PTGFR: variants seen among roughly 807,000 people sequenced by gnomAD.
PTGFR encodes prostaglandin F2-alpha receptor.
PTGFR carries 15 observed loss-of-function variants against 26.2 expected under a neutral mutation model. The ratio of observed to expected loss-of-function variants is 0.57; its 90% CI spans 0.38 to 0.88. The LOEUF (loss-of-function observed/expected upper bound fraction) is 0.88, where lower values mean the gene tolerates loss of function less well. PTGFR is among the 40% of genes least tolerant of loss of function. The probability of loss-of-function intolerance (pLI) is 0.00; values close to 1 mark genes in which losing one functional copy is unlikely to be tolerated. For synonymous variants in PTGFR, 165 were observed against 151.1 expected, an observed-to-expected ratio of 1.09 and a Z score of -0.68; for missense variants, 369 against 427.2, an observed-to-expected ratio of 0.86 and a Z score of 1.20.
chr1:78,492,967 T>C lies in PTGFR; in HGVS notation c.224T>C (p.Ile75Thr), dbSNP rs773296843. The change falls in exon 2 of 3, where the codon ATC (isoleucine) becomes ACC (threonine). Residue 75 changes from isoleucine (I) to threonine (T), a missense_variant. Transcript: ENST00000370757. ...CTGCTTTTGGCCAGTGGCCTGGTAA[T>C]CACTGATTTCTTTGGCCATCTCATC... Reference protein sequence around the residue: ...SFLLLASGLVITDFFGHLING... With the variant: ...SFLLLASGLVTTDFFGHLING... The C allele has an allele frequency of 6.2e-7, 1 of 1,614,258 alleles. No homozygotes were observed. Among genetic ancestry groups the C allele is most frequent in the Non-Finnish European group, 8.5e-7 (1 of 1,180,040 alleles).
In PTGFR at chr1:78,493,125, G is replaced by A. The variant is rs1409406564; in HGVS notation, c.382G>A (p.Val128Met). The change falls in exon 2 of 3, where the codon GTG (valine) becomes ATG (methionine). Residue 128 changes from valine to methionine, a missense_variant. Val to Met is a conservative substitution (Grantham distance 21, BLOSUM62 1). Transcript: ENST00000370757. The stretch of plus-strand genomic sequence containing the variant: ...TCTGTGCCCACTTCTTCTAGGCAGT[G>A]TGATGGCCATTGAGCGGTGTATTGG... The part of the protein sequence containing the change: ...SGLCPLLLGS[V>M]MAIERCIGVT... 1 of 1,614,246 alleles carries A rather than the reference G, an allele frequency of 6.2e-7. No individual in the cohort carries two copies. The highest frequency in any genetic ancestry group is 1.1e-5 in the South Asian group (1 of 91,090).
chr1:78,492,871 C>T lies in PTGFR; in HGVS notation c.128C>T (p.Ser43Leu). 1 of 1,614,222 alleles carries T rather than the reference C, an allele frequency of 6.2e-7. No individual in the cohort carries two copies. The highest frequency in any genetic ancestry group is 8.5e-7 in the Non-Finnish European group (1 of 1,180,042). Residue 43 changes from serine (S) to leucine (L), a missense_variant, in exon 2 of 3, where the codon TCA (serine) becomes TTA (leucine). Ser to Leu is a moderately radical substitution (Grantham distance 145, BLOSUM62 -2). Transcript: ENST00000370757. ...SVIFMTVGIL[S>L]NSLAIAILMK... ...ATCTTCATGACAGTGGGAATCTTGTCAAACAGCCTTGCCATCGCCATTCTC... is the reference window on the plus strand; with the variant it reads ...ATCTTCATGACAGTGGGAATCTTGTTAAACAGCCTTGCCATCGCCATTCTC...
At chr1:78,521,741 G>T (rs1650247927) in intron 2 of PTGFR, among the ~76,000 whole-genome samples, 1 of 151,800 alleles carries the variant, frequency 6.6e-6, no homozygotes, top group Non-Finnish European at 1.5e-5. Flanking sequence ...TAGTAATAGT[G>T]GGCACTCTTG....
At chr1:78,525,826 A>T (rs1245651093) in intron 2 of PTGFR, among the ~76,000 whole-genome samples, 3 of 152,064 alleles carry the variant, frequency 2.0e-5, no homozygotes, top group Non-Finnish European at 4.4e-5. Context: ...CATTAAGGAA[A>T]TTCCAAGGGC....
chr1:78,502,568 A>G (rs190907888), intron 2 of PTGFR, among the ~76,000 whole-genome samples: 17 of 152,290 alleles, frequency 1.1e-4, no homozygotes, highest in African/African-American at 4.1e-4. Context: ...TTATTATACT[A>G]TTCTCATTGT....
chr1:78,533,684 T>A (rs1401906804), intron 2 of PTGFR, among the ~76,000 whole-genome samples: 1 of 152,182 alleles, frequency 6.6e-6, no homozygotes, highest in East Asian at 1.9e-4. Flanking sequence ...AATTTACCAT[T>A]GCTTTGAATA....
At chr1:78,532,362 A>ATTTT (rs1232346149) in intron 2 of PTGFR, 1 of 72,280 alleles carries the variant, frequency 1.4e-5, no homozygotes, top group East Asian at 4.6e-4. Context: ...AAGTAAATTC[A>ATTTT]TTTATATATA....
chr1:78,491,567 C>A (rs531911349), intron 1 of PTGFR, among the ~76,000 whole-genome samples: 1 of 152,224 alleles, frequency 6.6e-6, no homozygotes, highest in African/African-American at 2.4e-5. Flanking sequence ...CTCCCCGTGC[C>A]CGGGATGAGG....
chr1:78,532,229 G>A (rs922303969), intron 2 of PTGFR: 13 of 408,670 alleles, frequency 3.2e-5, no homozygotes, highest in Admixed American at 1.7e-4. Flanking sequence ...GACACTCAAC[G>A]AGAAATGACA....
At chr1:78,495,714 T>TA (rs1171134003) in intron 2 of PTGFR, among the ~76,000 whole-genome samples, 1 of 152,210 alleles carries the variant, frequency 6.6e-6, no homozygotes, top group African/African-American at 2.4e-5. Context: ...GTCATAGACT[T>TA]ACTCCTGCAA....
rs1296902914 is a variant in PTGFR at position 78,520,306 on chromosome 1, C to T, written c.799-16100C>T. On this transcript the variant is annotated intron_variant, in intron 2 of 2. Coordinates refer to ENST00000370757, the MANE Select transcript of PTGFR (RefSeq NM_000959.4). ...ATCTCCTCATATTTCTTTAAAAAGT[C>T]GTGTTCTTTTAAGTGAGGCCATTTT... Among the ~76,000 whole-genome samples, 11 of 151,988 alleles carry T rather than the reference C, an allele frequency of 7.2e-5. No individual in the cohort carries two copies. In the East Asian group the frequency reaches 1.7e-3, roughly 24 times the overall value.
intron 2 of PTGFR, among the ~76,000 whole-genome samples, chr1:78,525,260 C>A (rs560060275): frequency 2.0e-5 from 3 of 152,086 alleles, no homozygotes; most frequent in African/African-American, 7.2e-5. Context: ...CTTCAGACAC[C>A]ATCTGCAAGC....
chr1:78,498,713 A>C (rs564208879), intron 2 of PTGFR, among the ~76,000 whole-genome samples: 5 of 150,164 alleles, frequency 3.3e-5, no homozygotes, highest in East Asian at 1.9e-4. Flanking sequence ...CAAACACACA[A>C]ACAAACAAAC....
chr1:78,518,565 AAGACAC>A (rs1650146818), intron 2 of PTGFR, among the ~76,000 whole-genome samples: 1 of 109,124 alleles, frequency 9.2e-6, no homozygotes, highest in African/African-American at 3.7e-5. Flanking sequence ...TACAGTATAA[AAGACAC>A]ACACACACAC....
chr1:78,511,434 T>G (rs2100371049), intron 2 of PTGFR, among the ~76,000 whole-genome samples: 1 of 152,202 alleles, frequency 6.6e-6, no homozygotes, highest in South Asian at 2.1e-4. Context: ...TCAGGAGTGG[T>G]GGCAGGAGAT....
At chr1:78,504,246 C>G (rs568195737) in intron 2 of PTGFR, among the ~76,000 whole-genome samples, 1 of 152,182 alleles carries the variant, frequency 6.6e-6, no homozygotes, top group Non-Finnish European at 1.5e-5. Context: ...TAAAAAAAAT[C>G]TTCCAAATCC....
chr1:78,515,851 A>G (rs1483343565), intron 2 of PTGFR, among the ~76,000 whole-genome samples: 1 of 152,194 alleles, frequency 6.6e-6, no homozygotes, highest in African/African-American at 2.4e-5. Flanking sequence ...TACTACTTGG[A>G]AAAGTTCAAG....
chr1:78,534,456 A>G (rs557669815), intron 2 of PTGFR, among the ~76,000 whole-genome samples: 3 of 152,160 alleles, frequency 2.0e-5, no homozygotes, highest in Non-Finnish European at 2.9e-5. Flanking sequence ...ATCCATAGAG[A>G]TGTACACAAA....
At chr1:78,497,841 G>C in intron 2 of PTGFR, 3 of 1,416,586 alleles carry the variant, frequency 2.1e-6, no homozygotes, top group South Asian at 2.3e-5. Context: ...TCTTTTACTG[G>C]AAGGCCATAT....
Sources: allele counts gnomAD v4.1 joint callset (sites outside exome capture counted in the v4.1 genomes callset), GRCh38; gene constraint gnomAD v4.1.1; transcripts MANE v1.5; gene names NCBI Gene and HGNC (gene_info 2026-07-23, HGNC 2026-07-21).